The following TBC1D8 variants were observed in gnomAD, a reference collection of about 807,000 sequenced individuals.
TBC1D8 encodes TBC1 domain family member 8, also known as BUB2-like protein 1.
TBC1D8 carries 65 observed loss-of-function variants against 118.8 expected under a neutral mutation model. The ratio of observed to expected loss-of-function variants is 0.55; its 90% confidence interval spans 0.45 to 0.67. The LOEUF is 0.67. Ranked by LOEUF, TBC1D8 falls within the 30% of genes least tolerant of loss-of-function variation. The probability of loss-of-function intolerance (pLI) is 0.00; values close to 1 mark genes in which losing one functional copy is unlikely to be tolerated. For synonymous variants in TBC1D8, 566 were observed against 595.8 expected, an observed-to-expected ratio of 0.95 and a Z score of 0.73; for missense variants, 1,376 against 1,471.2, an observed-to-expected ratio of 0.94 and a Z score of 1.06.
chr2:101,024,372 GTCC>G (rs1476663799), intron 15 of TBC1D8, among the ~76,000 whole-genome samples: 10 of 150,636 alleles, frequency 6.6e-5, no homozygotes, highest in Admixed American at 2.7e-4. Context: ...GGGGAAATGA[GTCC>G]TCTTAGACAC....
rs556193625 is a variant in TBC1D8, at chr2:101,009,885, G to A, written c.3015+1044C>T. Among the ~76,000 whole-genome samples the A allele has an allele frequency of 3.2e-3, 483 of 149,814 alleles. 2 individuals are homozygous for A. Among genetic ancestry groups the A allele is most frequent in the Non-Finnish European group, 5.7e-3 (383 of 67,590 alleles). ...CGCCCAGGCTGGAGTGCAGTGGTGC[G>A]ATCTCGGCTCACTGCAAGCTCCGCC... On this transcript the variant is annotated intron_variant, in intron 19 of 19. Transcript: ENST00000409318.
At chr2:101,092,356 C>T (rs1376161386) in intron 1 of TBC1D8, among the ~76,000 whole-genome samples, 2 of 152,212 alleles carry the variant, frequency 1.3e-5, no homozygotes, top group African/African-American at 2.4e-5. Flanking sequence ...ATGACCTCTA[C>T]TTGTCCCATT....
chr2:101,090,742 G>A (rs1675982084), intron 1 of TBC1D8, among the ~76,000 whole-genome samples: 1 of 152,172 alleles, frequency 6.6e-6, no homozygotes, highest in Admixed American at 6.5e-5. Context: ...GGGGCCTTAG[G>A]CAAATCACTT....
intron 1 of TBC1D8, among the ~76,000 whole-genome samples, chr2:101,111,182 A>G (rs537535940): frequency 6.6e-6 from 1 of 152,308 alleles, no homozygotes; most frequent in South Asian, 2.1e-4. Context: ...CAACTTTTGA[A>G]TATTGTTTTT....
rs767733832 is a variant in TBC1D8, at chr2:101,050,435, G to C, written c.838C>G (p.Pro280Ala). The C allele has an allele frequency of 1.2e-6, 2 of 1,613,648 alleles. No homozygotes were observed. The highest frequency in any genetic ancestry group is 4.5e-5 in the East Asian group (2 of 44,870). ...ATCTGGCTCGGCTCCTGCAGATCGG[G>C]GTCGAGGTCAAAGACCTCATTATCC... ...LLDNEVFDLD[P>A]DLQEPSQITK... The change falls in exon 5 of 20, where the codon CCC (proline) becomes GCC (alanine). Residue 280 changes from proline (P) to alanine (A), a missense_variant. By Grantham distance (27) the Pro-to-Ala change is conservative (BLOSUM62 -1). Transcript: ENST00000409318.
intron 17 of TBC1D8, among the ~76,000 whole-genome samples, chr2:101,021,188 G>T (rs1484841266): frequency 6.6e-6 from 1 of 152,028 alleles, no homozygotes; most frequent in Admixed American, 6.6e-5. Context: ...CACCTTTTAG[G>T]TTTCCTTGGT....
At chr2:101,135,186 G>T (rs1361695489) in intron 1 of TBC1D8, among the ~76,000 whole-genome samples, 1 of 152,008 alleles carries the variant, frequency 6.6e-6, no homozygotes, top group Non-Finnish European at 1.5e-5. Flanking sequence ...AAAGAAAAAA[G>T]AAACAAGAAA....
chr2:101,107,469 T>C (rs1030852121), intron 1 of TBC1D8, among the ~76,000 whole-genome samples: 1 of 151,982 alleles, frequency 6.6e-6, no homozygotes, highest in Non-Finnish European at 1.5e-5. Context: ...GAGGAAGATA[T>C]ATATCCTAGA....
At chr2:101,127,472 C>T (rs10176756) in intron 1 of TBC1D8, among the ~76,000 whole-genome samples, 48,450 of 151,876 alleles carry the variant, frequency 0.32, 7,850 homozygotes, top group East Asian at 0.42. Flanking sequence ...GGGTCTACCA[C>T]GTGTAGAGAA....
intron 1 of TBC1D8, among the ~76,000 whole-genome samples, chr2:101,106,529 C>T (rs1046282069): frequency 2.6e-5 from 4 of 152,154 alleles, no homozygotes; most frequent in African/African-American, 4.8e-5. Context: ...GTGGAAAGGA[C>T]GGCAAAGAAC....
intron 1 of TBC1D8, among the ~76,000 whole-genome samples, chr2:101,140,680 C>T (rs1160962919): frequency 6.6e-6 from 1 of 152,172 alleles, no homozygotes. Context: ...ACCAACTCCC[C>T]AAAGGCAACC....
chr2:101,007,882 T>G lies in TBC1D8; in HGVS notation c.3407A>C (p.Asn1136Thr). The change falls in exon 20 of 20, where the codon AAT becomes ACT. Residue 1136 changes from asparagine to threonine, a missense_variant. Transcript: ENST00000409318. ...GTGGCTCATTTCAAAAGTTTTGAGA[T>G]TGTACTGATTGATCTTGGCATTTTC... ...KLENAKINQY[N>T]LKTFEMSHQS... is the part of the protein sequence containing the mutation. 2 of 1,614,016 alleles carry G rather than the reference T, an allele frequency of 1.2e-6. No homozygotes were observed. Among genetic ancestry groups the G allele is most frequent in the South Asian group, 1.1e-5 (1 of 91,086 alleles).
At chr2:101,150,522 C>T (rs1405841070) in intron 1 of TBC1D8, among the ~76,000 whole-genome samples, 3 of 152,194 alleles carry the variant, frequency 2.0e-5, no homozygotes, top group Admixed American at 6.5e-5. Context: ...CCTATCATTC[C>T]TTGTAAGACA....
intron 9 of TBC1D8, among the ~76,000 whole-genome samples, chr2:101,035,441 C>T (rs996031023): frequency 2.6e-5 from 4 of 152,178 alleles, no homozygotes; most frequent in Non-Finnish European, 5.9e-5. Context: ...GGTTCCCAGG[C>T]GTTCCCCAAT....
At chr2:101,106,436 T>C (rs2105474713) in intron 1 of TBC1D8, among the ~76,000 whole-genome samples, 1 of 152,312 alleles carries the variant, frequency 6.6e-6, no homozygotes, top group Middle Eastern at 3.4e-3. Context: ...CTGACTGTAC[T>C]ACACATGTTT....
At chr2:101,042,864 C>T (rs1010309853) in intron 5 of TBC1D8, among the ~76,000 whole-genome samples, 2 of 152,170 alleles carry the variant, frequency 1.3e-5, no homozygotes, top group Non-Finnish European at 2.9e-5. Flanking sequence ...CGGCTGCACA[C>T]AGCTCAAGTG....
At chr2:101,029,405 A>C in intron 12 of TBC1D8, 86 bp downstream of exon 12, 8 of 1,466,514 alleles carry the variant, frequency 5.5e-6, no homozygotes, top group East Asian at 2.3e-5. Context: ...AAAAAAAAAA[A>C]AAAACTTCCC....
At chr2:101,086,184 T>C (rs1176117505) in intron 2 of TBC1D8, among the ~76,000 whole-genome samples, 1 of 150,134 alleles carries the variant, frequency 6.7e-6, no homozygotes, top group African/African-American at 2.4e-5. Flanking sequence ...GTAGATAAGT[T>C]AAAAGCAGCA....
chr2:101,029,453 C>G lies in TBC1D8; in HGVS notation c.2222+38G>C, dbSNP rs776520354. The G allele has an allele frequency of 1.9e-6, 3 of 1,593,432 alleles. No individual in the cohort carries two copies. The East Asian group carries it at 6.7e-5, about 36-fold the overall frequency. ...TGCTGGGCACGTGCTGCTGCCTCCT[C>G]CATCTCTGGTTGGCCACAGAGGTGC... On this transcript the variant is annotated intron_variant, in intron 12 of 19. Transcript: ENST00000409318.
Sources: allele counts gnomAD v4.1 joint callset (sites outside exome capture counted in the v4.1 genomes callset), GRCh38; gene constraint gnomAD v4.1.1; transcripts MANE v1.5; gene names NCBI Gene and HGNC (gene_info 2026-07-23, HGNC 2026-07-21).